The following PACS1 variants were observed in gnomAD, a reference collection of about 807,000 sequenced individuals.
PACS1 encodes phosphofurin acidic cluster sorting protein 1.
In PACS1, 24 loss-of-function variants were observed where a neutral mutation model predicts 115.0. That is an observed-to-expected ratio of 0.21 (90% CI 0.15 to 0.29). PACS1 has a LOEUF of 0.29. PACS1 is among the 10% of genes least tolerant of loss of function. The pLI, the probability that PACS1 is intolerant of heterozygous loss-of-function variation, is 1.00. For synonymous variants in PACS1, 453 were observed against 504.5 expected (o/e 0.90, Z 1.37); for missense variants, 838 against 1,251.2 (o/e 0.67, Z 4.98).
intron 2 of PACS1, among the ~76,000 whole-genome samples, chr11:66,202,608 G>T (rs1590815743): frequency 6.6e-6 from 1 of 151,260 alleles, no homozygotes; most frequent in Non-Finnish European, 1.5e-5. Context: ...ATGCCAAATG[G>T]CTGGGTGTTG....
chr11:66,196,219 G>A (rs369349268), intron 2 of PACS1, among the ~76,000 whole-genome samples: 5 of 152,194 alleles, frequency 3.3e-5, no homozygotes, highest in Non-Finnish European at 5.9e-5. Flanking sequence ...GCAAGACTCC[G>A]ACCCAAACAA....
chr11:66,153,555 G>A (rs1406896290), intron 1 of PACS1, among the ~76,000 whole-genome samples: 1 of 152,104 alleles, frequency 6.6e-6, no homozygotes, highest in Non-Finnish European at 1.5e-5. Flanking sequence ...GCTCAGGTGG[G>A]CGGATCACGA....
intron 1 of PACS1, among the ~76,000 whole-genome samples, chr11:66,110,300 A>T (rs1202093856): frequency 6.6e-6 from 1 of 152,086 alleles, no homozygotes; most frequent in Non-Finnish European, 1.5e-5. Flanking sequence ...TTAAAAAAAA[A>T]AATTTTTTTT....
intron 1 of PACS1, among the ~76,000 whole-genome samples, chr11:66,105,100 G>A (rs569107817): frequency 6.6e-6 from 1 of 152,230 alleles, no homozygotes; most frequent in Non-Finnish European, 1.5e-5. Flanking sequence ...TGTTTCATTA[G>A]TACAATGGAG....
At chr11:66,213,813 C>T (rs889254773) in intron 4 of PACS1, among the ~76,000 whole-genome samples, 4 of 152,078 alleles carry the variant, frequency 2.6e-5, no homozygotes, top group African/African-American at 9.7e-5. Context: ...GCAGGCGGAT[C>T]ACGAGGTCAG....
At chr11:66,087,866 C>G (rs1857599287) in intron 1 of PACS1, among the ~76,000 whole-genome samples, 1 of 152,072 alleles carries the variant, frequency 6.6e-6, no homozygotes, top group Non-Finnish European at 1.5e-5. Context: ...TATGAAAGTT[C>G]CTGTTGCTGC....
intron 1 of PACS1, among the ~76,000 whole-genome samples, chr11:66,104,328 C>T (rs1272171678): frequency 2.0e-5 from 3 of 152,124 alleles, no homozygotes; most frequent in African/African-American, 7.2e-5. Flanking sequence ...GAGGACAGCA[C>T]GTGTGTCTTC....
chr11:66,127,856 A>G (rs1858615717), intron 1 of PACS1, among the ~76,000 whole-genome samples: 1 of 152,340 alleles, frequency 6.6e-6, no homozygotes, highest in Admixed American at 6.5e-5. Flanking sequence ...GGGACATTGT[A>G]TGTATGTCCT....
In PACS1 at chr11:66,189,390, T is replaced by C. The variant is rs1234874964; in HGVS notation, c.357-4096T>C. ...CATGAGGTGCCGTGGCATAAAGGTC[T>C]GTCTTGTCTATTTATTCAACAAATA... On this transcript the variant is annotated intron_variant, in intron 1 of 23. Coordinates refer to ENST00000320580, the MANE Select transcript of PACS1 (RefSeq NM_018026.4). Among the ~76,000 whole-genome samples the C allele has an allele frequency of 1.3e-5, 2 of 152,254 alleles. 1 individual carries two copies. Among genetic ancestry groups the C allele is most frequent in the Non-Finnish European group, 2.9e-5 (2 of 68,040 alleles).
chr11:66,077,703 G>GTTTTT (rs34935652), intron 1 of PACS1, among the ~76,000 whole-genome samples: 2 of 131,276 alleles, frequency 1.5e-5, no homozygotes, highest in Non-Finnish European at 3.1e-5. Flanking sequence ...TTGTAAGTTT[G>GTTTTT]TTTTTTTTTT....
At chr11:66,109,407 TAAAAGA>T (rs1463803129) in intron 1 of PACS1, among the ~76,000 whole-genome samples, 1 of 152,008 alleles carries the variant, frequency 6.6e-6, no homozygotes, top group Non-Finnish European at 1.5e-5. Flanking sequence ...TAACAAAAAG[TAAAAGA>T]AAAAGAGAAG....
At chr11:66,136,262 AACACACACAC>A (rs71270571) in intron 1 of PACS1, among the ~76,000 whole-genome samples, 7 of 143,700 alleles carry the variant, frequency 4.9e-5, no homozygotes, top group Non-Finnish European at 7.6e-5. Context: ...CAATCCCGCT[AACACACACAC>A]ACACACACAC....
Position 66,070,931 on chromosome 11 carries a change from C to G in PACS1, c.356+89C>G. 8.0e-7 allele frequency: 1 copy of G among 1,245,760 alleles called. No homozygotes were observed. Among genetic ancestry groups the G allele is most frequent in the African/African-American group, 1.6e-5 (1 of 62,918 alleles). 77.2% of individuals were successfully genotyped at this position (1,245,760 alleles called of 1,614,324 possible). A position where few individuals can be genotyped will look rare whatever the true frequency, so the allele number is the denominator to read the frequency against. On this transcript the variant is annotated intron_variant, in intron 1 of 23. Coordinates refer to ENST00000320580, the MANE Select transcript of PACS1 (RefSeq NM_018026.4). This position sits in a 1 kb window ranked among gnomAD's most constrained non-coding sequence, Gnocchi z 5.9. Reference sequence around the variant, plus strand: ...CCCGCCCCAGCGCCCATGGGGTCCCCGCCCTCCATCTCCCCGACTGTCCCG... The same window carrying G: ...CCCGCCCCAGCGCCCATGGGGTCCCGGCCCTCCATCTCCCCGACTGTCCCG...
chr11:66,195,906 A>T (rs770042720), intron 2 of PACS1, among the ~76,000 whole-genome samples: 1 of 152,196 alleles, frequency 6.6e-6, no homozygotes, highest in African/African-American at 2.4e-5. Context: ...GGAGGCCACA[A>T]CTATTTTCAT....
chr11:66,096,704 T>C (rs947009602), intron 1 of PACS1, among the ~76,000 whole-genome samples: 2 of 151,790 alleles, frequency 1.3e-5, no homozygotes, highest in Non-Finnish European at 2.9e-5. Context: ...GGTTTCTCCA[T>C]GTTGGTCAGG....
chr11:66,128,046 A>G (rs768639689), intron 1 of PACS1, among the ~76,000 whole-genome samples: 8 of 152,242 alleles, frequency 5.3e-5, no homozygotes, highest in Non-Finnish European at 8.8e-5. Context: ...GATAAACAGA[A>G]CAGTTTTTTC....
Position 66,070,342 on chromosome 11 carries a change from C to T in PACS1, c.-145C>T, listed in dbSNP as rs1033902732. 6.1e-6 allele frequency: 2 copies of T among 329,038 alleles called. No individual in the cohort carries two copies. The highest frequency in any genetic ancestry group is 4.4e-5 in the African/African-American group (2 of 45,166). 20.4% of individuals were successfully genotyped at this position (329,038 alleles called of 1,614,324 possible). On this transcript the variant is annotated 5_prime_UTR_variant, in exon 1 of 24. Transcript: ENST00000320580. The surrounding 1 kb of genome is among the most constrained non-coding windows in gnomAD (Gnocchi z 5.9). ...GCGAGGCCCGCGCGCCCAGAGGCCC[C>T]GCGCGTGCGTGCAGCTCGCTGGCTG...
rs1295247096 is a variant in PACS1, at chr11:66,216,242, G to A, written c.784G>A (p.Gly262Arg). 6.2e-7 allele frequency: 1 copy of A among 1,614,038 alleles called. No homozygotes were observed. The highest frequency in any genetic ancestry group is 2.2e-5 in the East Asian group (1 of 44,884). Residue 262 changes from glycine to arginine, a missense_variant, in exon 5 of 24, where the codon GGA becomes AGA. This residue lies in a region of PACS1 where 223 missense variants were observed against 354.0 expected (regional missense o/e 0.63). Coordinates refer to ENST00000320580, the MANE Select transcript of PACS1 (RefSeq NM_018026.4). Reference protein sequence around the residue: ...SLSSQPIDHEGIKSKLSDRSP... With the variant: ...SLSSQPIDHERIKSKLSDRSP... ...GTCCAGCCAACCCATTGACCATGAA[G>A]GAATCAAATCCAAGCTTTCTGGTAA... is the stretch of plus-strand genomic sequence containing the variant.
Position 66,239,217 on chromosome 11 carries a change from G to A in PACS1, c.2369G>A (p.Arg790Gln), listed in dbSNP as rs1855762487. 3.1e-6 allele frequency: 5 copies of A among 1,613,972 alleles called. No individual in the cohort carries two copies. The highest frequency in any genetic ancestry group is 2.2e-5 in the East Asian group (1 of 44,870). Reference protein sequence around the residue: ...TSPPSSSGLSRDATATPPSSP... With the variant: ...TSPPSSSGLSQDATATPPSSP... The stretch of plus-strand genomic sequence containing the variant: ...CCACCCTCCAGCTCGGGCCTGAGCC[G>A]AGACGCCACGGCCACCCCTCCCTCC... The change falls in exon 21 of 24, where the codon CGA becomes CAA. Residue 790 changes from arginine to glutamine, a missense_variant. By Grantham distance (43) the Arg-to-Gln change is conservative. Transcript: ENST00000320580.
Sources: allele counts gnomAD v4.1 joint callset (sites outside exome capture counted in the v4.1 genomes callset), GRCh38; gene constraint gnomAD v4.1.1; regional missense constraint gnomAD v4.1.1; non-coding constraint Gnocchi (gnomAD v3.1); transcripts MANE v1.5; gene names NCBI Gene and HGNC (gene_info 2026-07-23, HGNC 2026-07-21).